EPHA7: variants seen among roughly 807,000 people sequenced by gnomAD.
EPHA7 encodes the protein EPH receptor A7.
In EPHA7, 25 loss-of-function variants were observed where a neutral mutation model predicts 112.6. The ratio of observed to expected loss-of-function variants is 0.22; its 90% CI spans 0.16 to 0.31. The LOEUF is 0.31. Among genes scored for constraint, EPHA7 ranks in the 10% least tolerant of loss-of-function variants. EPHA7 has a pLI of 1.00. For missense variants in EPHA7, 962 were observed against 1,212.6 expected (o/e 0.79, Z 3.07); for synonymous variants, 437 against 406.5 (o/e 1.07, Z -0.90).
chr6:93,314,991 T>C (rs1248779067), intron 5 of EPHA7, among the ~76,000 whole-genome samples: 2 of 147,474 alleles, frequency 1.4e-5, no homozygotes, highest in Non-Finnish European at 3.0e-5. Context: ...GCCTCCCGAG[T>C]AGCTGGGACT....
chr6:93,268,589 G>A (rs1029849902), intron 7 of EPHA7, among the ~76,000 whole-genome samples: 1 of 151,694 alleles, frequency 6.6e-6, no homozygotes, highest in African/African-American at 2.4e-5. Context: ...ATGTGCCTGA[G>A]CAGTAACATC....
chr6:93,250,773 G>A (rs1413307252), intron 14 of EPHA7, among the ~76,000 whole-genome samples: 1 of 151,992 alleles, frequency 6.6e-6, no homozygotes, highest in Non-Finnish European at 1.5e-5. Context: ...ATTTGCCTTA[G>A]TATTCTAATA....
intron 5 of EPHA7, among the ~76,000 whole-genome samples, chr6:93,302,939 A>G (rs1255656356): frequency 6.6e-6 from 1 of 152,122 alleles, no homozygotes; most frequent in Non-Finnish European, 1.5e-5. Flanking sequence ...TAGGGGCCAC[A>G]TGCTGTCAAA....
At chr6:93,297,361 G>T (rs961877979) in intron 5 of EPHA7, among the ~76,000 whole-genome samples, 3 of 152,030 alleles carry the variant, frequency 2.0e-5, no homozygotes, top group African/African-American at 7.2e-5. Context: ...TGAGGAAAAT[G>T]AATTTACTTA....
At chr6:93,326,656 T>A (rs1243337856) in intron 5 of EPHA7, among the ~76,000 whole-genome samples, 1 of 151,502 alleles carries the variant, frequency 6.6e-6, no homozygotes, top group African/African-American at 2.4e-5. Context: ...GAATAGATCC[T>A]GGGATCCCAT....
chr6:93,285,122 A>C (rs1258305371), intron 5 of EPHA7, among the ~76,000 whole-genome samples: 1 of 152,198 alleles, frequency 6.6e-6, no homozygotes, highest in Admixed American at 6.5e-5. Context: ...ATTAGTCAAG[A>C]TTTACCACTT....
At chr6:93,286,015 C>G (rs1016324277) in intron 5 of EPHA7, among the ~76,000 whole-genome samples, 15 of 152,080 alleles carry the variant, frequency 9.9e-5, no homozygotes, top group Admixed American at 2.6e-4. Context: ...GAAAACATGG[C>G]CTGCAGGATG....
At chr6:93,398,952 C>T (rs902930932) in intron 3 of EPHA7, among the ~76,000 whole-genome samples, 2 of 152,070 alleles carry the variant, frequency 1.3e-5, no homozygotes, top group East Asian at 1.9e-4. Flanking sequence ...TCTTGAGCCA[C>T]GTGTTTTCCC....
chr6:93,247,367 G>A (rs992247301), intron 14 of EPHA7, among the ~76,000 whole-genome samples: 1 of 152,182 alleles, frequency 6.6e-6, no homozygotes, highest in Non-Finnish European at 1.5e-5. Flanking sequence ...GTTGTAAAAG[G>A]AATTTGAGTT....
At chr6:93,318,454 G>A (rs757522927) in intron 5 of EPHA7, among the ~76,000 whole-genome samples, 1 of 151,958 alleles carries the variant, frequency 6.6e-6, no homozygotes, top group Admixed American at 6.6e-5. Context: ...TCTTGATGCA[G>A]TTTTCATGAG....
intron 5 of EPHA7, among the ~76,000 whole-genome samples, chr6:93,278,935 C>T (rs2127893447): frequency 6.6e-6 from 1 of 152,038 alleles, no homozygotes; most frequent in African/African-American, 2.4e-5. Context: ...ACTGAGAATC[C>T]ATGATGTGCC....
At chr6:93,414,857 T>A in intron 1 of EPHA7, 90 bp from the exon 2 acceptor site, 1 of 988,304 alleles carries the variant, frequency 1.0e-6, no homozygotes, top group Non-Finnish European at 1.6e-6. Flanking sequence ...CATATAACTA[T>A]CACTATATGA....
chr6:93,342,662 A>G (rs1016437655), intron 5 of EPHA7, among the ~76,000 whole-genome samples: 2 of 151,796 alleles, frequency 1.3e-5, no homozygotes, highest in African/African-American at 4.8e-5. Context: ...ATTTATTTAC[A>G]GTGTAAGAAC....
intron 11 of EPHA7, 147 bp downstream of exon 11, chr6:93,257,952 A>T (rs1770512705): frequency 1.4e-6 from 1 of 725,960 alleles, no homozygotes; most frequent in South Asian, 2.3e-5. Context: ...AACATAAAGG[A>T]AGAATTTTTT....
chr6:93,298,493 A>T (rs1280132399), intron 5 of EPHA7, among the ~76,000 whole-genome samples: 1 of 152,288 alleles, frequency 6.6e-6, no homozygotes, highest in Non-Finnish European at 1.5e-5. Flanking sequence ...TATTATATAT[A>T]CATATATGAA....
intron 5 of EPHA7, among the ~76,000 whole-genome samples, chr6:93,273,367 G>C (rs985374399): frequency 1.3e-5 from 2 of 151,786 alleles, no homozygotes; most frequent in Non-Finnish European, 2.9e-5. Flanking sequence ...ATATTTTCAG[G>C]CTATTAATTT....
rs940880931 is a variant in EPHA7, at chr6:93,242,183, C to A, written c.*1243G>T. 1 of 194,452 alleles carries A rather than the reference C, an allele frequency of 5.1e-6. No homozygotes were observed. The highest frequency in any genetic ancestry group is 8.1e-5 in the East Asian group (1 of 12,408). 12.0% of individuals were successfully genotyped at this position (194,452 alleles called of 1,614,324 possible). The stretch of plus-strand genomic sequence containing the variant: ...CTTTAAAAACAAGCCAGATCCTTCA[C>A]CTCTTCCTTCTAGGGTAAAGAGTCC... On this transcript the variant is annotated 3_prime_UTR_variant, in exon 17 of 17. Transcript: ENST00000369303.
chr6:93,266,331 C>T (rs968466874), intron 7 of EPHA7, among the ~76,000 whole-genome samples: 2 of 151,522 alleles, frequency 1.3e-5, no homozygotes, highest in East Asian at 3.9e-4. Flanking sequence ...GGGCCTAATT[C>T]TCTGCTTGTC....
At chr6:93,419,167 G>A (rs1646421243) in intron 1 of EPHA7, 78 bp downstream of exon 1, 12 of 1,218,768 alleles carry the variant, frequency 9.8e-6, no homozygotes, top group African/African-American at 1.6e-5. Flanking sequence ...GGCCGGCAGC[G>A]CCGCGGACGA....
Sources: gnomAD v4.1 joint callset for allele counts (sites outside exome capture counted in the v4.1 genomes callset) on GRCh38, gnomAD v4.1.1 for gene constraint, MANE v1.5 for transcripts, NCBI Gene and HGNC (gene_info 2026-07-23, HGNC 2026-07-21) for gene names.